FMN1: variants seen among roughly 807,000 people sequenced by gnomAD.
FMN1 encodes the protein formin 1, also known as formin-1.
FMN1 carries 110 observed loss-of-function variants against 132.4 expected under a neutral mutation model. The observed-to-expected ratio is 0.83, with a 90% confidence interval of 0.71 to 0.97. The LOEUF (loss-of-function observed/expected upper bound fraction) is 0.97. Ranked by LOEUF, FMN1 falls within the 50% of genes least tolerant of loss-of-function variation. FMN1 has a pLI of 0.00. For missense variants in FMN1, 1,792 were observed against 1,705.3 expected (o/e 1.05, Z -0.90); for synonymous variants, 722 against 651.7 (o/e 1.11, Z -1.64).
intron 6 of FMN1, chr15:33,012,190 G>T: frequency 1.7e-6 from 1 of 588,290 alleles, no homozygotes; most frequent in Non-Finnish European, 3.1e-6. Flanking sequence ...GTTGGGCTTT[G>T]AAACCACCGA....
Position 32,968,933 on chromosome 15 carries a change from G to A in FMN1, c.2768C>T (p.Pro923Leu). ...AGGAAGTGGGGGTGGGGGTGGGGGTGGTGGAGGTCCAGCACTTGAAGGTGG... is the reference window on the plus strand; with the variant it reads ...AGGAAGTGGGGGTGGGGGTGGGGGTAGTGGAGGTCCAGCACTTGAAGGTGG... ...LPPPSSAGPPPPPPPPPLPNS... is the reference protein window; with the variant it reads ...LPPPSSAGPPLPPPPPPLPNS... The change falls in exon 8 of 21, where the codon CCA becomes CTA. Residue 923 changes from proline (P) to leucine (L), a missense_variant. Coordinates refer to ENST00000616417, the MANE Select transcript of FMN1 (RefSeq NM_001277313.2). The A allele has an allele frequency of 1.3e-6, 1 of 752,408 alleles. No individual in the cohort carries two copies. Among genetic ancestry groups the A allele is most frequent in the Non-Finnish European group, 2.1e-6 (1 of 466,358 alleles). The allele number at this position is 752,408 out of a possible 1,614,324, so 46.6% of individuals were successfully genotyped here. A position where few individuals can be genotyped will look rare whatever the true frequency, so the allele number is the denominator to read the frequency against.
intron 6 of FMN1, among the ~76,000 whole-genome samples, chr15:33,019,001 G>A (rs1200733966): frequency 6.6e-6 from 1 of 152,168 alleles, no homozygotes; most frequent in East Asian, 1.9e-4. Flanking sequence ...ATTTATTGCA[G>A]AGTTAAAGAA....
chr15:33,118,548 CTTG>C lies in FMN1; in HGVS notation c.1868-29577_1868-29575del, dbSNP rs146218223. Among the ~76,000 whole-genome samples, 131 of 152,174 alleles carry C rather than the reference CTTG, an allele frequency of 8.6e-4. 2 individuals are homozygous for C. The East Asian group carries it at 0.025, about 29-fold the overall frequency. On this transcript the variant is annotated intron_variant, in intron 4 of 20. Transcript: ENST00000616417. ...GTAATTTTTCTAATTTCAGTATAAACTTGTTGATAAGAATCAAGTGAAACTTGT... is the reference window on the plus strand; with the variant it reads ...GTAATTTTTCTAATTTCAGTATAAACTTGATAAGAATCAAGTGAAACTTGT...
chr15:32,985,439 G>A (rs2033005189), intron 7 of FMN1, among the ~76,000 whole-genome samples: 1 of 151,942 alleles, frequency 6.6e-6, no homozygotes, highest in Non-Finnish European at 1.5e-5. Flanking sequence ...CTGTAGCAGG[G>A]GTCACTGAAT....
At chr15:32,863,937 A>C (rs1044882252) in intron 16 of FMN1, among the ~76,000 whole-genome samples, 1 of 152,270 alleles carries the variant, frequency 6.6e-6, no homozygotes, top group Admixed American at 6.5e-5. Context: ...AATGCAATGT[A>C]ATAAAATACT....
At chr15:32,822,743 T>A (rs1340000296) in intron 17 of FMN1, among the ~76,000 whole-genome samples, 4 of 152,206 alleles carry the variant, frequency 2.6e-5, no homozygotes, top group African/African-American at 4.8e-5. Flanking sequence ...TTTAAAAATA[T>A]TTCATCAACT....
intron 9 of FMN1, among the ~76,000 whole-genome samples, chr15:32,927,317 C>T (rs1040688362): frequency 3.3e-5 from 5 of 152,176 alleles, no homozygotes; most frequent in African/African-American, 1.2e-4. Flanking sequence ...AGTAGAGTGA[C>T]GCAATCACAG....
intron 6 of FMN1, among the ~76,000 whole-genome samples, chr15:33,008,505 A>T (rs954893693): frequency 1.3e-5 from 2 of 150,648 alleles, no homozygotes; most frequent in African/African-American, 4.9e-5. Context: ...GTTTCAAAAA[A>T]GAAAAAAAAA....
At chr15:32,882,514 A>G (rs1382221821) in intron 16 of FMN1, among the ~76,000 whole-genome samples, 1 of 152,214 alleles carries the variant, frequency 6.6e-6, no homozygotes, top group Non-Finnish European at 1.5e-5. Context: ...CACTGTCTAC[A>G]CTGGTAGGGA....
chr15:33,082,607 A>C (rs1236230999), intron 5 of FMN1, among the ~76,000 whole-genome samples: 2 of 152,172 alleles, frequency 1.3e-5, no homozygotes. Context: ...CTAGTCTCTG[A>C]CTATATTCAG....
At chr15:32,865,459 T>G (rs181292295) in intron 16 of FMN1, among the ~76,000 whole-genome samples, 1 of 152,268 alleles carries the variant, frequency 6.6e-6, no homozygotes, top group Admixed American at 6.5e-5. Context: ...GAATCAAAAG[T>G]GGGAAATGAG....
Position 32,773,246 on chromosome 15 carries a change from G to C in FMN1, c.*1064C>G, listed in dbSNP as rs1177787346. On this transcript the variant is annotated 3_prime_UTR_variant, in exon 21 of 21. Transcript: ENST00000616417. Reference sequence around the variant, plus strand: ...TAAGGAACCTTTTTTCTGCCCTTCAGTTTTTTTGACATTAAAGAGTCCTGC... The same window carrying C: ...TAAGGAACCTTTTTTCTGCCCTTCACTTTTTTTGACATTAAAGAGTCCTGC... 1.2e-4 allele frequency: 18 copies of C among 151,660 alleles called. No homozygotes were observed. The highest frequency in any genetic ancestry group is 4.4e-5 in the Non-Finnish European group (3 of 68,014). The allele number at this position is 151,660 out of a possible 1,614,324, so 9.4% of individuals were successfully genotyped here.
chr15:33,070,354 CA>C (rs1276559112), intron 5 of FMN1, among the ~76,000 whole-genome samples: 1 of 149,552 alleles, frequency 6.7e-6, no homozygotes, highest in East Asian at 2.0e-4. Flanking sequence ...TCTAATATGG[CA>C]GGGGGCAGTG....
At chr15:33,065,527 C>G in intron 5 of FMN1, among the ~76,000 whole-genome samples, 1 of 152,170 alleles carries the variant, frequency 6.6e-6, no homozygotes, top group East Asian at 1.9e-4. Flanking sequence ...ACATTCCACA[C>G]TGCTAATTTC....
At chr15:32,782,156 G>A (rs1202134099) in intron 19 of FMN1, among the ~76,000 whole-genome samples, 1 of 152,156 alleles carries the variant, frequency 6.6e-6, no homozygotes, top group Non-Finnish European at 1.5e-5. Flanking sequence ...AACTGAGTAG[G>A]TGTCTTATTT....
chr15:32,824,333 T>G (rs2141122381), intron 17 of FMN1, among the ~76,000 whole-genome samples: 1 of 152,358 alleles, frequency 6.6e-6, no homozygotes, highest in East Asian at 1.9e-4. Context: ...TAGTGCGTGC[T>G]TACCTCACAG....
intron 6 of FMN1, among the ~76,000 whole-genome samples, chr15:33,018,565 G>T (rs1012845767): frequency 6.6e-6 from 1 of 152,190 alleles, no homozygotes; most frequent in Non-Finnish European, 1.5e-5. Flanking sequence ...GTGCGCCCAA[G>T]AAGAAATGTA....
chr15:32,966,064 G>T (rs948653548), intron 8 of FMN1, among the ~76,000 whole-genome samples: 1 of 152,132 alleles, frequency 6.6e-6, no homozygotes, highest in African/African-American at 2.4e-5. Flanking sequence ...AGGGCCACTG[G>T]TCTGGGCCTT....
intron 12 of FMN1, 143 bp downstream of exon 12, chr15:32,908,347 C>A: frequency 1.7e-6 from 1 of 599,764 alleles, no homozygotes; most frequent in Non-Finnish European, 3.0e-6. Context: ...GGTCATCCTG[C>A]TGCATGCAAC....
Sources: allele counts gnomAD v4.1 joint callset (sites outside exome capture counted in the v4.1 genomes callset), GRCh38; gene constraint gnomAD v4.1.1; transcripts MANE v1.5; gene names NCBI Gene and HGNC (gene_info 2026-07-23, HGNC 2026-07-21).